The following ADAMTSL1 variants were observed in gnomAD, a reference collection of about 807,000 sequenced individuals.
ADAMTSL1 encodes ADAMTS-like protein 1.
ADAMTSL1 carries 126 observed loss-of-function variants against 201.8 expected under a neutral mutation model. That is an observed-to-expected ratio of 0.62 (90% CI 0.54 to 0.72). The LOEUF is 0.72. Ranked by LOEUF, ADAMTSL1 falls within the 30% of genes least tolerant of loss-of-function variation. The pLI, the probability that ADAMTSL1 is intolerant of heterozygous loss-of-function variation, is 0.00. For synonymous variants in ADAMTSL1, 1,121 were observed against 903.4 expected (o/e 1.24, Z -4.32); for missense variants, 2,679 against 2,277.8 (o/e 1.18, Z -3.59).
At chr9:18,503,357 T>G (rs1046333471) in intron 1 of ADAMTSL1, among the ~76,000 whole-genome samples, 4 of 149,482 alleles carry the variant, frequency 2.7e-5, no homozygotes, top group Admixed American at 1.4e-4. Flanking sequence ...GTCTTTAAGT[T>G]TCATTCATGT....
intron 25 of ADAMTSL1, 77 bp downstream of exon 25, chr9:18,889,825 C>T (rs560077603): frequency 7.4e-7 from 1 of 1,357,932 alleles, no homozygotes; most frequent in African/African-American, 1.5e-5. Context: ...AGTGGCCAGC[C>T]CTTCAGTAGC....
chr9:18,773,826 TC>T (rs1820831784), intron 17 of ADAMTSL1, among the ~76,000 whole-genome samples: 1 of 152,226 alleles, frequency 6.6e-6, no homozygotes, highest in Non-Finnish European at 1.5e-5. Context: ...TTTTAAATTT[TC>T]AGGCTTCTTA....
chr9:18,533,675 ATAT>A (rs1819580121), intron 3 of ADAMTSL1, among the ~76,000 whole-genome samples: 1 of 152,188 alleles, frequency 6.6e-6, no homozygotes, highest in Non-Finnish European at 1.5e-5. Context: ...TATTCAACAA[ATAT>A]TATTCAGTGC....
chr9:18,337,409 G>A (rs906255358), intron 2 of ADAMTSL1, among the ~76,000 whole-genome samples: 2 of 152,168 alleles, frequency 1.3e-5, no homozygotes, highest in African/African-American at 4.8e-5. Context: ...TTGTGATGGT[G>A]TGAGTCGATA....
At chr9:18,214,095 A>C (rs1302110556) in intron 2 of ADAMTSL1, among the ~76,000 whole-genome samples, 4 of 152,172 alleles carry the variant, frequency 2.6e-5, no homozygotes, top group Non-Finnish European at 5.9e-5. Context: ...TTGTTGTAAG[A>C]ACAAAGTCAA....
At chr9:18,508,716 A>G (rs1817830498) in intron 2 of ADAMTSL1, among the ~76,000 whole-genome samples, 1 of 152,200 alleles carries the variant, frequency 6.6e-6, no homozygotes, top group African/African-American at 2.4e-5. Context: ...ATTAAAATAC[A>G]TAACTCTAAG....
intron 1 of ADAMTSL1, among the ~76,000 whole-genome samples, chr9:18,488,145 A>G (rs751223083): frequency 1.1e-4 from 17 of 152,104 alleles, no homozygotes; most frequent in Admixed American, 4.6e-4. Context: ...CTCATTCCCT[A>G]TCATCTGATG....
At chr9:17,990,081 G>A (rs1292468419) in intron 1 of ADAMTSL1, among the ~76,000 whole-genome samples, 1 of 151,866 alleles carries the variant, frequency 6.6e-6, no homozygotes, top group Non-Finnish European at 1.5e-5. Flanking sequence ...AACCTTTGTG[G>A]TAGGAGAAAA....
chr9:18,459,224 T>C (rs907720598), intron 2 of ADAMTSL1, among the ~76,000 whole-genome samples: 1 of 152,224 alleles, frequency 6.6e-6, no homozygotes, highest in African/African-American at 2.4e-5. Flanking sequence ...TCAAGCAGCT[T>C]ATGTTATAGT....
rs771987342 is a variant in ADAMTSL1 at position 18,910,531 on chromosome 9, T to C, written c.*1983T>C. On this transcript the variant is annotated 3_prime_UTR_variant, in exon 29 of 29. Transcript: ENST00000380548. ...ACAGGATGTGTTGTAAAAACTAACA[T>C]GGGATGCTGAGGCAGTAAGAGGGAA... 6.6e-5 allele frequency: 10 copies of C among 152,218 alleles called. No individual in the cohort carries two copies. Among genetic ancestry groups the C allele is most frequent in the Non-Finnish European group, 1.0e-4 (7 of 68,040 alleles). The allele number at this position is 152,218 out of a possible 1,614,324, so 9.4% of individuals were successfully genotyped here.
At chr9:18,826,612 G>T in intron 22 of ADAMTSL1, 149 bp downstream of exon 22, 1 of 975,088 alleles carries the variant, frequency 1.0e-6, no homozygotes, top group Non-Finnish European at 1.5e-6. Context: ...AGGGCCTTTC[G>T]ATAGAACACA....
intron 15 of ADAMTSL1, among the ~76,000 whole-genome samples, chr9:18,724,765 A>G (rs910179598): frequency 1.3e-5 from 2 of 152,172 alleles, no homozygotes; most frequent in Non-Finnish European, 2.9e-5. Flanking sequence ...CATATTATCA[A>G]TGACAGCTGG....
rs968816171 is a variant in ADAMTSL1, at chr9:17,910,346, G to C, written c.87+3424G>C. Among the ~76,000 whole-genome samples the C allele has an allele frequency of 1.3e-4, 9 of 68,752 alleles. 1 individual carries two copies. Among genetic ancestry groups the C allele is most frequent in the African/African-American group, 2.4e-4 (8 of 33,794 alleles). 45.1% of individuals were successfully genotyped at this position (68,752 alleles called of 152,430 possible). On this transcript the variant is annotated intron_variant, in intron 1 of 29. Transcript: ENST00000680146. ...GATCCAGCAAAGATGCTAAAAAGGA[G>C]CTTGTAGTTTCTTAGACTTGCAGTA...
At chr9:18,423,611 G>T (rs780603865) in intron 2 of ADAMTSL1, among the ~76,000 whole-genome samples, 1 of 152,168 alleles carries the variant, frequency 6.6e-6, no homozygotes, top group Non-Finnish European at 1.5e-5. Flanking sequence ...CCCTACTAGC[G>T]AGGTAAGAAA....
rs368005884 is a variant in ADAMTSL1, at chr9:18,458,704, G to C, written c.208-46125G>C. Among the ~76,000 whole-genome samples, 502 of 152,220 alleles carry C rather than the reference G, an allele frequency of 3.3e-3. 3 individuals are homozygous for C. Among genetic ancestry groups the C allele is most frequent in the South Asian group, 0.018 (85 of 4,816 alleles). On this transcript the variant is annotated intron_variant, in intron 2 of 29. Coordinates refer to the ADAMTSL1 transcript ENST00000680146. The stretch of plus-strand genomic sequence containing the variant: ...GATCCAGGCAGTGCTCAGTCAGTGA[G>C]GATTTTCTCTCCAATGACAAAATCC...
chr9:18,890,642 G>A (rs1829192631), intron 25 of ADAMTSL1: 1 of 455,902 alleles, frequency 2.2e-6, no homozygotes, highest in Non-Finnish European at 4.4e-6. Context: ...TTGCTGACGG[G>A]AAGGTTTCCA....
intron 22 of ADAMTSL1, among the ~76,000 whole-genome samples, chr9:18,828,697 A>ATATATATATATATATAGTG (rs1824776656): frequency 2.4e-5 from 1 of 42,510 alleles, no homozygotes; most frequent in Non-Finnish European, 5.6e-5. Flanking sequence ...TATATATAAA[A>ATATATATATATATATAGTG]TGTGTGTGTG....
At chr9:18,646,082 T>G (rs1419744607) in intron 7 of ADAMTSL1, among the ~76,000 whole-genome samples, 1 of 152,040 alleles carries the variant, frequency 6.6e-6, no homozygotes, top group Non-Finnish European at 1.5e-5. Context: ...TGGTTTGTAG[T>G]TCTCCTTGAA....
chr9:18,467,520 T>C (rs1047117250), intron 2 of ADAMTSL1, among the ~76,000 whole-genome samples: 3 of 152,228 alleles, frequency 2.0e-5, no homozygotes, highest in South Asian at 2.1e-4. Context: ...ATCTATGATA[T>C]ATAATGCATT....
Sources: gnomAD v4.1 joint callset for allele counts (sites outside exome capture counted in the v4.1 genomes callset) on GRCh38, gnomAD v4.1.1 for gene constraint, MANE v1.5 for transcripts, NCBI Gene and HGNC (gene_info 2026-07-23, HGNC 2026-07-21) for gene names.